Variants in ANKS1B observed in about 807,000 individuals in gnomAD.
The protein encoded by ANKS1B is ankyrin repeat and sterile alpha motif domain-containing protein 1B.
A neutral mutation model predicts 148.3 loss-of-function variants in ANKS1B; 36 were observed. That is an observed-to-expected ratio of 0.24 (90% CI 0.19 to 0.32). The LOEUF (loss-of-function observed/expected upper bound fraction) is 0.32. Ranked by LOEUF, ANKS1B falls within the 10% of genes least tolerant of loss-of-function variation. The pLI, the probability that ANKS1B is intolerant of heterozygous loss-of-function variation, is 1.00. For synonymous variants in ANKS1B, 542 were observed against 560.8 expected, an observed-to-expected ratio of 0.97 and a Z score of 0.47; for missense variants, 1,157 against 1,542.6, an observed-to-expected ratio of 0.75 and a Z score of 4.19.
chr12:99,487,911 T>C (rs977770124), intron 10 of ANKS1B, among the ~76,000 whole-genome samples: 1 of 151,990 alleles, frequency 6.6e-6, no homozygotes, highest in Non-Finnish European at 1.5e-5. Context: ...GAATGAAACA[T>C]GACATATTAA....
At chr12:99,837,564 T>A (rs750997528) in intron 1 of ANKS1B, among the ~76,000 whole-genome samples, 1 of 152,300 alleles carries the variant, frequency 6.6e-6, no homozygotes, top group South Asian at 2.1e-4. Flanking sequence ...TTAATCTTCA[T>A]AACAACCATG....
intron 13 of ANKS1B, among the ~76,000 whole-genome samples, chr12:99,244,874 C>T (rs1027247): frequency 0.4 from 60,900 of 152,010 alleles, 12,706 homozygotes; most frequent in African/African-American, 0.53. Context: ...TTTTTTGTTT[C>T]GACAGAATCT....
At chr12:99,369,791 T>TAGATGGACGGAC (rs879173702) in intron 12 of ANKS1B, among the ~76,000 whole-genome samples, 8 of 148,892 alleles carry the variant, frequency 5.4e-5, no homozygotes, top group East Asian at 2.0e-4. Flanking sequence ...GATAGATAGA[T>TAGATGGACGGAC]GGACGGACGG....
intron 8 of ANKS1B, among the ~76,000 whole-genome samples, chr12:99,661,969 T>C (rs1409049633): frequency 6.6e-6 from 1 of 152,114 alleles, no homozygotes; most frequent in East Asian, 1.9e-4. Flanking sequence ...GGCCATGAAG[T>C]ATCCTTGGAA....
chr12:98,949,812 G>T (rs2099851321), intron 17 of ANKS1B: 1 of 152,200 alleles, frequency 6.6e-6, no homozygotes. Flanking sequence ...CAGCTAAGAG[G>T]ATCTACTGAT....
At chr12:99,767,114 C>G (rs2062722735) in intron 8 of ANKS1B, among the ~76,000 whole-genome samples, 1 of 152,008 alleles carries the variant, frequency 6.6e-6, no homozygotes, top group African/African-American at 2.4e-5. Flanking sequence ...ACTGAAAATC[C>G]TTCAAGGTAA....
At chr12:99,642,960 T>TGG (rs1286989131) in intron 9 of ANKS1B, among the ~76,000 whole-genome samples, 70 of 152,270 alleles carry the variant, frequency 4.6e-4, no homozygotes, top group African/African-American at 1.6e-3. Context: ...TATCACACTA[T>TGG]AAGTACCTTC....
At chr12:99,551,618 C>T (rs1011083933) in intron 9 of ANKS1B, among the ~76,000 whole-genome samples, 4 of 147,822 alleles carry the variant, frequency 2.7e-5, no homozygotes, top group Admixed American at 6.8e-5. Context: ...CTGGGAGGAG[C>T]AGAAAAGACT....
intron 22 of ANKS1B, among the ~76,000 whole-genome samples, chr12:98,785,359 A>C (rs2098782109): frequency 6.6e-6 from 1 of 152,172 alleles, no homozygotes; most frequent in Non-Finnish European, 1.5e-5. Flanking sequence ...AATCCCAGCT[A>C]TTCAGGAGGC....
intron 19 of ANKS1B, among the ~76,000 whole-genome samples, chr12:98,813,820 GC>G (rs1470616790): frequency 6.6e-6 from 1 of 152,116 alleles, no homozygotes; most frequent in African/African-American, 2.4e-5. Context: ...CTCCCAAAGT[GC>G]TGGGATTACA....
chr12:99,370,707 A>G (rs2093081173), intron 12 of ANKS1B, among the ~76,000 whole-genome samples: 1 of 152,212 alleles, frequency 6.6e-6, no homozygotes, highest in African/African-American at 2.4e-5. Flanking sequence ...TCACAGGTCT[A>G]GAATTTAATT....
intron 9 of ANKS1B, among the ~76,000 whole-genome samples, chr12:99,550,082 T>A (rs1842344551): frequency 6.6e-6 from 1 of 152,188 alleles, no homozygotes; most frequent in South Asian, 2.1e-4. Flanking sequence ...ACTCTCTCTC[T>A]CTTTTACCCT....
intron 12 of ANKS1B, among the ~76,000 whole-genome samples, chr12:99,370,416 A>G (rs1323350206): frequency 6.6e-6 from 1 of 152,140 alleles, no homozygotes; most frequent in Non-Finnish European, 1.5e-5. Context: ...AACAGTAAGG[A>G]TTTAGGCTGA....
chr12:99,537,891 G>T (rs1298646009), intron 9 of ANKS1B, among the ~76,000 whole-genome samples: 1 of 151,942 alleles, frequency 6.6e-6, no homozygotes, highest in Non-Finnish European at 1.5e-5. Flanking sequence ...ATGGTTTGAG[G>T]GATTTGATTT....
intron 16 of ANKS1B, among the ~76,000 whole-genome samples, chr12:99,054,236 G>A (rs1021560436): frequency 3.3e-5 from 5 of 152,150 alleles, no homozygotes; most frequent in African/African-American, 4.8e-5. Context: ...GGGGGCCTTC[G>A]GTAAAATTCA....
chr12:98,965,746 T>C (rs1408944522), intron 17 of ANKS1B, among the ~76,000 whole-genome samples: 4 of 152,036 alleles, frequency 2.6e-5, no homozygotes, highest in Non-Finnish European at 5.9e-5. Context: ...TAATACCACA[T>C]ATCTACAACC....
chr12:98,850,340 T>C (rs866173253), intron 17 of ANKS1B, among the ~76,000 whole-genome samples: 1 of 152,140 alleles, frequency 6.6e-6, no homozygotes, highest in Non-Finnish European at 1.5e-5. Flanking sequence ...CTTTAGCAGA[T>C]ACTGCTTTTC....
intron 4 of ANKS1B, among the ~76,000 whole-genome samples, chr12:99,796,526 G>A (rs1412246069): frequency 1.3e-5 from 2 of 151,810 alleles, no homozygotes; most frequent in African/African-American, 4.8e-5. Flanking sequence ...GTGGCAGCTT[G>A]GCTTTTAGTA....
intron 12 of ANKS1B, among the ~76,000 whole-genome samples, chr12:99,293,464 C>T (rs747668415): frequency 8.6e-5 from 13 of 152,024 alleles, no homozygotes; most frequent in Admixed American, 5.2e-4. Context: ...CAAACCTGCT[C>T]GTTGTGCACA....
Sources: gnomAD v4.1 joint callset for allele counts (sites outside exome capture counted in the v4.1 genomes callset) on GRCh38, gnomAD v4.1.1 for gene constraint, MANE v1.5 for transcripts, NCBI Gene and HGNC (gene_info 2026-07-23, HGNC 2026-07-21) for gene names.